The following SHISA9 variants were observed in gnomAD, a reference collection of about 807,000 sequenced individuals.
SHISA9 encodes protein shisa-9.
Under a neutral mutation model 38.0 loss-of-function variants are expected in SHISA9, and 13 were observed. The observed-to-expected ratio is 0.34, with a 90% CI of 0.22 to 0.54. The LOEUF (loss-of-function observed/expected upper bound fraction) is 0.54, where lower values mean the gene tolerates loss of function less well. SHISA9 is among the 20% of genes least tolerant of loss of function. The probability of loss-of-function intolerance (pLI) is 0.91; values close to 1 mark genes in which losing one functional copy is unlikely to be tolerated. For missense variants in SHISA9, 538 were observed against 575.8 expected (o/e 0.93, Z 0.67); for synonymous variants, 275 against 242.0 (o/e 1.14, Z -1.27).
chr16:13,282,891 G>A, the SHISA9 span, among the ~76,000 whole-genome samples: 48 of 151,940 alleles, frequency 3.2e-4, no homozygotes, highest in Admixed American at 1.1e-3. Flanking sequence ...CACTCATTAA[G>A]ATTACATTTT....
chr16:13,308,194 C>T, the SHISA9 span, among the ~76,000 whole-genome samples: 4 of 140,728 alleles, frequency 2.8e-5, no homozygotes, highest in Admixed American at 7.5e-5. Context: ...CTAACGCACA[C>T]GACATCAAAT....
intron 2 of SHISA9, among the ~76,000 whole-genome samples, chr16:13,111,862 G>T (rs2073981640): frequency 1.3e-5 from 2 of 152,136 alleles, no homozygotes; most frequent in African/African-American, 4.8e-5. Flanking sequence ...GAGGCCATCT[G>T]GTCTTCAGTT....
At chr16:12,970,461 A>ATGTG (rs1247338051) in intron 2 of SHISA9, among the ~76,000 whole-genome samples, 13 of 62,664 alleles carry the variant, frequency 2.1e-4, no homozygotes, top group East Asian at 1.9e-3. Flanking sequence ...ATATACATAT[A>ATGTG]TGTGTGTGTA....
chr16:13,072,847 G>T (rs747620095), intron 2 of SHISA9, among the ~76,000 whole-genome samples: 9 of 152,202 alleles, frequency 5.9e-5, no homozygotes, highest in Non-Finnish European at 1.2e-4. Flanking sequence ...TTTTAGTAGA[G>T]ATGGGGTTTT....
At chr16:13,311,891 A>T in the SHISA9 span, among the ~76,000 whole-genome samples, 1 of 152,206 alleles carries the variant, frequency 6.6e-6, no homozygotes, top group African/African-American at 2.4e-5. Context: ...TTGCTGTGAA[A>T]ATTAAATGAA....
the SHISA9 span, among the ~76,000 whole-genome samples, chr16:13,450,139 G>A: frequency 5.3e-5 from 8 of 151,982 alleles, no homozygotes; most frequent in Admixed American, 2.6e-4. Flanking sequence ...CACAAAGCTC[G>A]CCAAAGGCAA....
the SHISA9 span, among the ~76,000 whole-genome samples, chr16:13,374,510 G>A: frequency 6.6e-6 from 1 of 152,016 alleles, no homozygotes; most frequent in East Asian, 1.9e-4. Flanking sequence ...CTTTTTTATG[G>A]CTGCATAGTA....
intron 2 of SHISA9, among the ~76,000 whole-genome samples, chr16:13,176,951 C>A (rs2050736822): frequency 6.6e-6 from 1 of 152,124 alleles, no homozygotes; most frequent in African/African-American, 2.4e-5. Flanking sequence ...GGGGAGGACA[C>A]ATGACTCCAA....
intron 2 of SHISA9, among the ~76,000 whole-genome samples, chr16:12,973,805 G>A (rs2141814846): frequency 6.6e-6 from 1 of 152,288 alleles, no homozygotes; most frequent in African/African-American, 2.4e-5. Context: ...TGGGACTTCA[G>A]AAGGCTATGT....
chr16:12,933,358 G>A (rs1377327040), intron 2 of SHISA9, among the ~76,000 whole-genome samples: 2 of 151,664 alleles, frequency 1.3e-5, no homozygotes, highest in East Asian at 1.9e-4. Flanking sequence ...GCAGTGGCTC[G>A]ATCTTGGCTC....
intron 2 of SHISA9, among the ~76,000 whole-genome samples, chr16:13,082,172 T>C (rs2073658649): frequency 6.6e-6 from 1 of 152,228 alleles, no homozygotes; most frequent in Admixed American, 6.5e-5. Flanking sequence ...TAACCAGAAG[T>C]GTTTAACTCC....
intron 1 of SHISA9, among the ~76,000 whole-genome samples, chr16:12,904,687 T>C (rs914775394): frequency 1.3e-5 from 2 of 151,968 alleles, no homozygotes; most frequent in African/African-American, 4.8e-5. Flanking sequence ...CAGAATGGAG[T>C]GGAAGTGCAT....
the SHISA9 span, among the ~76,000 whole-genome samples, chr16:13,271,773 G>C: frequency 1.3e-5 from 2 of 152,050 alleles, no homozygotes; most frequent in Non-Finnish European, 1.5e-5. Context: ...GATCTTATGG[G>C]GGGGGTGTGT....
At chr16:13,539,247 A>C in the SHISA9 span, among the ~76,000 whole-genome samples, 1 of 148,672 alleles carries the variant, frequency 6.7e-6, no homozygotes. Flanking sequence ...CTCTTACCTC[A>C]GCCTCCCAAG....
chr16:13,326,581 C>T, the SHISA9 span, among the ~76,000 whole-genome samples: 13 of 152,156 alleles, frequency 8.5e-5, no homozygotes, highest in African/African-American at 4.8e-5. Flanking sequence ...CTTAGCTGGG[C>T]GTAGTGTCGC....
chr16:13,225,542 A>T (rs2142079231), intron 4 of SHISA9, among the ~76,000 whole-genome samples: 1 of 152,274 alleles, frequency 6.6e-6, no homozygotes. Context: ...GCAGAAACCG[A>T]TGAGGAAATG....
At chr16:13,367,712 G>GTGCACA in the SHISA9 span, among the ~76,000 whole-genome samples, 1 of 104,640 alleles carries the variant, frequency 9.6e-6, no homozygotes, top group Non-Finnish European at 2.0e-5. Flanking sequence ...GCGCGCGCGC[G>GTGCACA]CACACACACA....
the SHISA9 span, among the ~76,000 whole-genome samples, chr16:13,278,800 T>A: frequency 6.6e-6 from 1 of 152,044 alleles, no homozygotes; most frequent in Non-Finnish European, 1.5e-5. Flanking sequence ...TTTGGATTTT[T>A]TCTCTTCTTT....
intron 2 of SHISA9, among the ~76,000 whole-genome samples, chr16:13,125,157 ACAAT>A (rs1388300752): frequency 1.3e-5 from 2 of 152,214 alleles, no homozygotes; most frequent in Non-Finnish European, 2.9e-5. Flanking sequence ...AACAAAGGAA[ACAAT>A]CAACAAAGTG....
Sources: allele counts gnomAD v4.1 joint callset (sites outside exome capture counted in the v4.1 genomes callset), GRCh38; gene constraint gnomAD v4.1.1; transcripts MANE v1.5; gene names NCBI Gene and HGNC (gene_info 2026-07-23, HGNC 2026-07-21).